Variants in GRM5 observed in about 807,000 individuals in gnomAD.
GRM5 encodes metabotropic glutamate receptor 5.
Under a neutral mutation model 83.1 loss-of-function variants are expected in GRM5, and 19 were observed. That is an observed-to-expected ratio of 0.23 (90% confidence interval 0.16 to 0.34). The LOEUF (loss-of-function observed/expected upper bound fraction) is 0.34, where lower values mean the gene tolerates loss of function less well. GRM5 is among the 10% of genes least tolerant of loss of function. The pLI is 1.00. For missense variants in GRM5, 1,160 were observed against 1,588.3 expected (o/e 0.73, Z 4.58); for synonymous variants, 675 against 633.6 (o/e 1.07, Z -0.98).
intron 3 of GRM5, among the ~76,000 whole-genome samples, chr11:88,671,927 C>A (rs891641440): frequency 6.6e-6 from 1 of 151,976 alleles, no homozygotes; most frequent in African/African-American, 2.4e-5. Context: ...TTTGGTTGTA[C>A]ATTATAATGC....
chr11:88,732,567 A>C (rs546561028), intron 3 of GRM5, among the ~76,000 whole-genome samples: 1 of 152,106 alleles, frequency 6.6e-6, no homozygotes, highest in Non-Finnish European at 1.5e-5. Context: ...AGATGAGGAC[A>C]CTTGAATTTA....
intron 3 of GRM5, among the ~76,000 whole-genome samples, chr11:88,812,231 T>C (rs144542326): frequency 2.6e-5 from 4 of 152,262 alleles, no homozygotes; most frequent in African/African-American, 9.6e-5. Context: ...ATATTGAAGT[T>C]AGCTCATCAG....
intron 4 of GRM5, among the ~76,000 whole-genome samples, chr11:88,641,577 A>G (rs1463127656): frequency 6.6e-6 from 1 of 152,170 alleles, no homozygotes; most frequent in Non-Finnish European, 1.5e-5. Flanking sequence ...TAAGTTATTT[A>G]CTCCCAAGAT....
intron 3 of GRM5, among the ~76,000 whole-genome samples, chr11:88,689,115 A>G (rs1421693679): frequency 6.6e-6 from 1 of 152,184 alleles, no homozygotes; most frequent in African/African-American, 2.4e-5. Context: ...TAACTGTGAT[A>G]CTAAATAGGC....
At chr11:88,663,248 G>A (rs899006001) in intron 3 of GRM5, among the ~76,000 whole-genome samples, 17 of 152,158 alleles carry the variant, frequency 1.1e-4, no homozygotes, top group Admixed American at 7.9e-4. Context: ...TATTAGAATA[G>A]TTGGAATATC....
At chr11:88,609,921 G>A (rs1938268201) in intron 4 of GRM5, among the ~76,000 whole-genome samples, 1 of 152,140 alleles carries the variant, frequency 6.6e-6, no homozygotes, top group Non-Finnish European at 1.5e-5. Flanking sequence ...ATAGTGAATG[G>A]TAGGAGTCCA....
chr11:89,041,428 C>G (rs1272526478), intron 2 of GRM5, among the ~76,000 whole-genome samples: 1 of 152,186 alleles, frequency 6.6e-6, no homozygotes, highest in Non-Finnish European at 1.5e-5. Context: ...AGGTGGGAAG[C>G]TATCCCAGGC....
chr11:88,585,252 A>G (rs1418478362), intron 7 of GRM5, among the ~76,000 whole-genome samples: 2 of 152,230 alleles, frequency 1.3e-5, no homozygotes, highest in Non-Finnish European at 1.5e-5. Flanking sequence ...CCAGTGTTAC[A>G]TAAAACTTAT....
intron 3 of GRM5, among the ~76,000 whole-genome samples, chr11:88,782,831 T>C (rs949183261): frequency 2.6e-5 from 4 of 152,156 alleles, no homozygotes. Flanking sequence ...ACATCAATAG[T>C]GATAATGGCT....
intron 8 of GRM5, among the ~76,000 whole-genome samples, chr11:88,566,587 C>G (rs937978007): frequency 2.0e-5 from 3 of 152,158 alleles, no homozygotes; most frequent in African/African-American, 4.8e-5. Context: ...TTTAAGCACT[C>G]TTCTGGCTTG....
intron 2 of GRM5, among the ~76,000 whole-genome samples, chr11:88,850,971 T>C (rs1944380050): frequency 6.6e-6 from 1 of 152,230 alleles, no homozygotes; most frequent in African/African-American, 2.4e-5. Context: ...AATATTGATG[T>C]AGCTATTATG....
chr11:88,760,771 C>T (rs1942495850), intron 3 of GRM5, among the ~76,000 whole-genome samples: 1 of 152,046 alleles, frequency 6.6e-6, no homozygotes, highest in Non-Finnish European at 1.5e-5. Context: ...AAACTTCAGG[C>T]CAATACCCTT....
At chr11:89,044,371 C>A (rs903843195) in intron 2 of GRM5, among the ~76,000 whole-genome samples, 1 of 152,002 alleles carries the variant, frequency 6.6e-6, no homozygotes, top group Non-Finnish European at 1.5e-5. Context: ...ACAGTAAATA[C>A]CCAGTCACAC....
At chr11:88,908,284 A>G (rs1945436996) in intron 2 of GRM5, among the ~76,000 whole-genome samples, 1 of 152,120 alleles carries the variant, frequency 6.6e-6, no homozygotes, top group Non-Finnish European at 1.5e-5. Context: ...CTAAAAATCT[A>G]TGATCGCATG....
At chr11:88,945,195 C>A (rs762883194) in intron 2 of GRM5, among the ~76,000 whole-genome samples, 11 of 151,610 alleles carry the variant, frequency 7.3e-5, no homozygotes, top group Non-Finnish European at 1.3e-4. Context: ...AGGTGAAAGA[C>A]CTCTACAGGG....
At chr11:89,016,266 CAT>C (rs1940853134) in intron 2 of GRM5, among the ~76,000 whole-genome samples, 1 of 149,486 alleles carries the variant, frequency 6.7e-6, no homozygotes, top group Non-Finnish European at 1.5e-5. Context: ...TAACACATAA[CAT>C]ATATAATATA....
At chr11:88,713,055 G>GTAGA (rs1941316372) in intron 3 of GRM5, among the ~76,000 whole-genome samples, 1 of 151,916 alleles carries the variant, frequency 6.6e-6, no homozygotes, top group African/African-American at 2.4e-5. Context: ...CTAGATTTGG[G>GTAGA]TAGATATTAG....
At chr11:88,666,793 G>A (rs1231443518) in intron 3 of GRM5, among the ~76,000 whole-genome samples, 1 of 152,120 alleles carries the variant, frequency 6.6e-6, no homozygotes, top group Non-Finnish European at 1.5e-5. Flanking sequence ...CTATAAACAA[G>A]CAACAGCAAA....
At chr11:88,654,329 A>G (rs1939713228) in intron 3 of GRM5, among the ~76,000 whole-genome samples, 1 of 152,108 alleles carries the variant, frequency 6.6e-6, no homozygotes, top group Non-Finnish European at 1.5e-5. Flanking sequence ...GCATGAAAAG[A>G]TGTTTGTATA....
Sources: allele counts gnomAD v4.1 joint callset (sites outside exome capture counted in the v4.1 genomes callset), GRCh38; gene constraint gnomAD v4.1.1; transcripts MANE v1.5; gene names NCBI Gene and HGNC (gene_info 2026-07-23, HGNC 2026-07-21).